Variants in ADCY10 observed in about 807,000 individuals in gnomAD.
ADCY10 encodes adenylate cyclase type 10.
ADCY10 carries 156 observed loss-of-function variants against 183.3 expected under a neutral mutation model. That is an observed-to-expected ratio of 0.85 (90% CI 0.75 to 0.97). The LOEUF is 0.97. Ranked by LOEUF, ADCY10 falls within the 50% of genes least tolerant of loss-of-function variation. The pLI, the probability that ADCY10 is intolerant of heterozygous loss-of-function variation, is 0.00. For missense variants in ADCY10, 1,745 were observed against 1,934.3 expected (o/e 0.90, Z 1.84); for synonymous variants, 645 against 670.0 (o/e 0.96, Z 0.58).
intron 18 of ADCY10, among the ~76,000 whole-genome samples, chr1:167,851,898 T>A (rs1245102713): frequency 6.6e-6 from 1 of 152,134 alleles, no homozygotes; most frequent in African/African-American, 2.4e-5. Context: ...GATCAAATAA[T>A]ATCCTTTAAC....
chr1:167,834,947 C>T (rs910195708), intron 23 of ADCY10, among the ~76,000 whole-genome samples: 2 of 152,122 alleles, frequency 1.3e-5, no homozygotes, highest in African/African-American at 2.4e-5. Flanking sequence ...ATCATCACCT[C>T]GAATATGTGC....
chr1:167,858,054 G>A (rs1666027577), intron 16 of ADCY10, among the ~76,000 whole-genome samples: 1 of 152,084 alleles, frequency 6.6e-6, no homozygotes, highest in Non-Finnish European at 1.5e-5. Context: ...TACTGATATT[G>A]TCTTGCCTAT....
chr1:167,833,992 G>A lies in ADCY10; in HGVS notation c.3395C>T (p.Thr1132Ile), dbSNP rs1224265833. 1 of 1,614,066 alleles carries A rather than the reference G, an allele frequency of 6.2e-7. No individual in the cohort carries two copies. Among genetic ancestry groups the A allele is most frequent in the Admixed American group, 1.7e-5 (1 of 60,024 alleles). ...KSWSQTFESA[T>I]FYSLKGEVCF... ...TACCTCACCTTTGAGGCTGTAAAAG[G>A]TGGCAGACTCAAATGTCTGGCTCCA... Residue 1132 changes from threonine (T) to isoleucine (I), a missense_variant, in exon 24 of 33, where the codon ACC becomes ATC. Physicochemically the swap from Thr to Ile is moderately conservative, Grantham distance 89. Transcript: ENST00000367851.
At chr1:167,821,823 GA>G (rs1265432589) in intron 30 of ADCY10, among the ~76,000 whole-genome samples, 200 bp downstream of exon 30, 1 of 152,202 alleles carries the variant, frequency 6.6e-6, no homozygotes, top group African/African-American at 2.4e-5. Flanking sequence ...ATGTAATTGA[GA>G]TAAATTTACT....
intron 8 of ADCY10, 51 bp from the exon 9 acceptor site, chr1:167,883,679 C>T (rs943081755): frequency 3.8e-6 from 6 of 1,563,904 alleles, no homozygotes; most frequent in Non-Finnish European, 3.5e-6. Context: ...GTGGATCCCT[C>T]CCCCAACACC....
intron 13 of ADCY10, among the ~76,000 whole-genome samples, chr1:167,871,801 G>A (rs1221710675): frequency 6.6e-6 from 1 of 152,252 alleles, no homozygotes; most frequent in Non-Finnish European, 1.5e-5. Flanking sequence ...TTAGCAGACT[G>A]TATTGCTTCT....
rs1236106587 is a variant in ADCY10 at position 167,880,179 on chromosome 1, G to A, written c.1152C>T (p.Ile384=). 9.3e-6 allele frequency: 15 copies of A among 1,612,676 alleles called. No individual in the cohort carries two copies. Among genetic ancestry groups the A allele is most frequent in the East Asian group, 2.2e-5 (1 of 44,880 alleles). Residue 384 remains isoleucine (I), a synonymous_variant, in exon 11 of 33, where the codon ATC becomes ATT. Coordinates refer to ENST00000367851, the MANE Select transcript of ADCY10 (RefSeq NM_018417.6). ...AGAAGACAATCCCACTGGCAACACC[G>A]ATGGATACAGTTCTGGTGCAGGGGA... ...SQVHKIQTVS[I]GVASGIVFCG...
At chr1:167,861,193 C>A in intron 14 of ADCY10, 130 bp from the exon 15 acceptor site, 3 of 801,000 alleles carry the variant, frequency 3.7e-6, no homozygotes, top group Non-Finnish European at 6.2e-6. Flanking sequence ...AGCTATCTCG[C>A]AATGGTTCTT....
At chr1:167,844,979 C>T (rs558450833) in intron 21 of ADCY10, among the ~76,000 whole-genome samples, 1 of 152,256 alleles carries the variant, frequency 6.6e-6, no homozygotes, top group African/African-American at 2.4e-5. Context: ...GGTCCTTACA[C>T]CCCCTGAATC....
At position 167,829,352 on chromosome 1, in the gene ADCY10, CTG is replaced by C. The variant is rs1327105359; in HGVS notation, c.3663_3664del (p.Tyr1221Ter). ...ATAATACTTGCAGTGAAAAAGATAA[CTG>C]TAGCTATAGATGCGCCACAGCAAGG... On this transcript the variant is annotated stop_gained and frameshift_variant, in exon 26 of 33. Coordinates refer to ENST00000367851, the MANE Select transcript of ADCY10 (RefSeq NM_018417.6). LOFTEE classifies it high-confidence loss of function. The C allele has an allele frequency of 1.2e-6, 2 of 1,614,070 alleles. No individual in the cohort carries two copies. The highest frequency in any genetic ancestry group is 2.2e-5 in the East Asian group (1 of 44,900).
intron 26 of ADCY10, among the ~76,000 whole-genome samples, chr1:167,828,904 G>A (rs1284787832): frequency 6.6e-6 from 1 of 152,112 alleles, no homozygotes; most frequent in Non-Finnish European, 1.5e-5. Flanking sequence ...GGAGGTTGCA[G>A]TGAGCCGATA....
At chr1:167,848,536 T>C (rs1665230958) in intron 18 of ADCY10, 47 bp from the exon 19 acceptor site, 2 of 1,609,874 alleles carry the variant, frequency 1.2e-6, no homozygotes, top group Admixed American at 3.3e-5. Context: ...TATCCTGTCT[T>C]ATAAGGTCTG....
intron 31 of ADCY10, among the ~76,000 whole-genome samples, chr1:167,814,513 G>T (rs1428920851): frequency 6.6e-6 from 1 of 150,788 alleles, no homozygotes; most frequent in Non-Finnish European, 1.5e-5. Flanking sequence ...CAATATATAT[G>T]AAGCAAAAAC....
At chr1:167,849,800 C>A (rs998157224) in intron 18 of ADCY10, among the ~76,000 whole-genome samples, 3 of 152,124 alleles carry the variant, frequency 2.0e-5, no homozygotes, top group African/African-American at 7.2e-5. Context: ...GTACTTTGAT[C>A]CTTGAAGGAT....
chr1:167,872,930 T>C (rs1402779596), intron 13 of ADCY10, among the ~76,000 whole-genome samples: 1 of 151,258 alleles, frequency 6.6e-6, no homozygotes, highest in South Asian at 2.1e-4. Flanking sequence ...ATTAGCTGGG[T>C]GTGGTGGTGT....
At chr1:167,820,056 T>C (rs983898581) in intron 30 of ADCY10, 2 of 1,576,972 alleles carry the variant, frequency 1.3e-6, no homozygotes, top group Middle Eastern at 1.7e-4. Flanking sequence ...CAAAGCCTCT[T>C]TCGTTACTCA....
In ADCY10 at chr1:167,858,928, A is replaced by G. The variant is rs16859857; in HGVS notation, c.1896+879T>C. On this transcript the variant is annotated intron_variant, in intron 16 of 32. Transcript: ENST00000367851. ...AATGATAAGAGCCTGAACTATGGCA[A>G]TAGGAAGGGAGGACAAGGAGATTCC... 1.8e-3 allele frequency among the ~76,000 whole-genome samples: 281 copies of G among 152,314 alleles called. 7 individuals are homozygous for G. The East Asian group carries it at 0.048, about 26-fold the overall frequency.
At chr1:167,860,455 C>T (rs1478340792) in intron 15 of ADCY10, among the ~76,000 whole-genome samples, 1 of 152,124 alleles carries the variant, frequency 6.6e-6, no homozygotes, top group Non-Finnish European at 1.5e-5. Context: ...CTTGCTCACC[C>T]ACTGGTTGCC....
At position 167,861,241 on chromosome 1, in the gene ADCY10, C is replaced by A. The variant is rs537071351; in HGVS notation, c.1617-178G>T. On this transcript the variant is annotated intron_variant, in intron 14 of 32. Coordinates refer to ENST00000367851, the MANE Select transcript of ADCY10 (RefSeq NM_018417.6). ...TGATATACTCCCTCTTCTCCTGTTCCTAAGCCCTGATTAATTTAACCTAGC... is the reference window on the plus strand; with the variant it reads ...TGATATACTCCCTCTTCTCCTGTTCATAAGCCCTGATTAATTTAACCTAGC... Among the ~76,000 whole-genome samples the A allele has an allele frequency of 4.6e-5, 7 of 152,258 alleles. No individual in the cohort carries two copies. In the South Asian group the frequency reaches 1.2e-3, roughly 27 times the overall value.
Sources: gnomAD v4.1 joint callset for allele counts (sites outside exome capture counted in the v4.1 genomes callset) on GRCh38, gnomAD v4.1.1 for gene constraint, MANE v1.5 for transcripts, NCBI Gene and HGNC (gene_info 2026-07-23, HGNC 2026-07-21) for gene names.